The following METRNL variants were observed in gnomAD, a reference collection of about 807,000 sequenced individuals.
The protein encoded by METRNL is meteorin-like protein.
A neutral mutation model predicts 17.4 loss-of-function variants in METRNL; 9 were observed. That is an observed-to-expected ratio of 0.52 (90% CI 0.31 to 0.90). METRNL has a LOEUF of 0.90. Among genes scored for constraint, METRNL ranks in the 40% least tolerant of loss-of-function variants. The pLI, the probability that METRNL is intolerant of heterozygous loss-of-function variation, is 0.05. For synonymous variants in METRNL, 215 were observed against 199.3 expected (o/e 1.08, Z -0.66); for missense variants, 408 against 430.7 (o/e 0.95, Z 0.47).
chr17:83,094,169 A>G lies in METRNL; in HGVS notation c.617-87A>G. 3 of 1,160,778 alleles carry G rather than the reference A, an allele frequency of 2.6e-6. No individual in the cohort carries two copies. The South Asian group carries it at 4.8e-5, about 19-fold the overall frequency. The allele number at this position is 1,160,778 out of a possible 1,614,324, so 71.9% of individuals were successfully genotyped here. A position where few individuals can be genotyped will look rare whatever the true frequency, so the allele number is the denominator to read the frequency against. Reference sequence around the variant, plus strand: ...GGGTCAGCTGCCCGTTCCAGTGCCCATCGATGCGGGGGCAGGGGGAGGTGC... The same window carrying G: ...GGGTCAGCTGCCCGTTCCAGTGCCCGTCGATGCGGGGGCAGGGGGAGGTGC... On this transcript the variant is annotated intron_variant, in intron 3 of 3. Transcript: ENST00000320095.
intron 2 of METRNL, among the ~76,000 whole-genome samples, chr17:83,088,002 C>A (rs1001631481): frequency 8.5e-5 from 13 of 152,208 alleles, no homozygotes; most frequent in Non-Finnish European, 1.6e-4. Context: ...TGCGTTCATG[C>A]TGCATAATCG....
At chr17:83,084,756 G>C in intron 1 of METRNL, 182 bp from the exon 2 acceptor site, 1 of 648,576 alleles carries the variant, frequency 1.5e-6, no homozygotes, top group South Asian at 1.9e-5. Context: ...TGTGCCGAAG[G>C]GCGGAGATGG....
rs1276890851 is a variant in METRNL, at chr17:83,094,778, A to G, written c.*203A>G. The G allele has an allele frequency of 2.5e-6, 1 of 402,132 alleles. No homozygotes were observed. Among genetic ancestry groups the G allele is most frequent in the Non-Finnish European group, 4.4e-6 (1 of 229,530 alleles). The allele number at this position is 402,132 out of a possible 1,614,324, so 24.9% of individuals were successfully genotyped here. A position where few individuals can be genotyped will look rare whatever the true frequency, so the allele number is the denominator to read the frequency against. ...GCCAAGGATGCCCTGGCCGATTGGA[A>G]ATGCTGTAAAATGCAAACTAAGTTA... is the stretch of plus-strand genomic sequence containing the variant. On this transcript the variant is annotated 3_prime_UTR_variant, in exon 4 of 4. Transcript: ENST00000320095.
At chr17:83,092,424 G>A (rs1010770645) in intron 2 of METRNL, 13 of 152,300 alleles carry the variant, frequency 8.5e-5, no homozygotes, top group African/African-American at 3.1e-4. Flanking sequence ...TCGCGACCCA[G>A]GGAAGTGGGC....
In METRNL at chr17:83,094,304, A is replaced by T; in HGVS notation, c.665A>T (p.Asp222Val). 1 of 1,594,524 alleles carries T rather than the reference A, an allele frequency of 6.3e-7. No individual in the cohort carries two copies. ...GTTACCCACGAGCCTGAGCGGCAGG[A>T]CTCAGCCATCCACCTGCGCGTGAGC... ...QQVTHEPERQ[D>V]SAIHLRVSRL... The change falls in exon 4 of 4, where the codon GAC becomes GTC. Residue 222 changes from aspartate to valine, a missense_variant. Transcript: ENST00000320095.
At position 83,079,841 on chromosome 17, in the gene METRNL, G is replaced by T. The variant is rs1468069188; in HGVS notation, c.26G>T (p.Trp9Leu). The change falls in exon 1 of 4, where the codon TGG becomes TTG. Residue 9 changes from tryptophan (W) to leucine (L), a missense_variant. Trp to Leu is a moderately conservative substitution (Grantham distance 61). Transcript: ENST00000320095. ...ATGCGGGGCGCGGCGCGGGCGGCCT[G>T]GGGGCGCGCGGGGCAGCCGTGGCCG... is the stretch of plus-strand genomic sequence containing the variant. The part of the protein sequence containing the change: MRGAARAA[W>L]GRAGQPWPRP... 1.0e-6 allele frequency: 1 copy of T among 974,962 alleles called. No individual in the cohort carries two copies. Among genetic ancestry groups the T allele is most frequent in the Non-Finnish European group, 1.2e-6 (1 of 823,862 alleles). The allele number at this position is 974,962 out of a possible 1,614,324, so 60.4% of individuals were successfully genotyped here.
chr17:83,084,711 G>A, intron 1 of METRNL: 1 of 580,192 alleles, frequency 1.7e-6, no homozygotes. Flanking sequence ...ATGGCTCTTG[G>A]TGCAGGTGCA....
At chr17:83,090,164 C>CCACA (rs1272293709) in intron 2 of METRNL, among the ~76,000 whole-genome samples, 1 of 111,484 alleles carries the variant, frequency 9.0e-6, no homozygotes, top group African/African-American at 3.0e-5. Context: ...AGGGTGGGAG[C>CCACA]CACACACCCC....
intron 2 of METRNL, among the ~76,000 whole-genome samples, chr17:83,086,926 T>TCCGA (rs768577182): frequency 8.0e-4 from 122 of 151,934 alleles, no homozygotes; most frequent in Middle Eastern, 3.4e-3. Flanking sequence ...GGGGGTGGGG[T>TCCGA]CCGAGGCCTA....
At chr17:83,083,674 C>G (rs1239930846) in intron 1 of METRNL, among the ~76,000 whole-genome samples, 1 of 152,200 alleles carries the variant, frequency 6.6e-6, no homozygotes, top group African/African-American at 2.4e-5. Context: ...CTCGACACCA[C>G]CCTCTGATGT....
chr17:83,082,156 T>G, intron 1 of METRNL: 1 of 985,428 alleles, frequency 1.0e-6, no homozygotes. Flanking sequence ...CTCATAAATG[T>G]GGACCATGAA....
chr17:83,079,636 G>GGGC lies in METRNL; in HGVS notation c.-180_-179insGGC. Reference sequence around the variant, plus strand: ...AGGCTCGGCGGCGGCGGCGGGCGCGGAGCTCTGCGCGCGGCTCCAGCGGGC... The same window carrying GGGC: ...AGGCTCGGCGGCGGCGGCGGGCGCGGGGCAGCTCTGCGCGCGGCTCCAGCGGGC... On this transcript the variant is annotated 5_prime_UTR_variant, in exon 1 of 4. Coordinates refer to ENST00000320095, the MANE Select transcript of METRNL (RefSeq NM_001004431.3). 6.5e-6 allele frequency: 1 copy of GGGC among 152,886 alleles called. No individual in the cohort carries two copies. Among genetic ancestry groups the GGGC allele is most frequent in the Non-Finnish European group, 1.4e-5 (1 of 71,610 alleles). 9.5% of individuals were successfully genotyped at this position (152,886 alleles called of 1,614,324 possible).
chr17:83,084,907 G>A (rs555176447), intron 1 of METRNL, 31 bp from the exon 2 acceptor site: 25 of 1,584,962 alleles, frequency 1.6e-5, no homozygotes, highest in African/African-American at 9.4e-5. Context: ...CGGGAGCTCC[G>A]GGCCTGGCTG....
chr17:83,085,240 A>G lies in METRNL; in HGVS notation c.473A>G (p.Gln158Arg), dbSNP rs1465286368. 1.3e-6 allele frequency: 2 copies of G among 1,586,854 alleles called. No homozygotes were observed. Residue 158 changes from glutamine to arginine, a missense_variant, in exon 2 of 4, where the codon CAG (glutamine) becomes CGG (arginine). Coordinates refer to ENST00000320095, the MANE Select transcript of METRNL (RefSeq NM_001004431.3). ...GGCCTGTTCGTGGAGGCCACGCCGC[A>G]GCAGGATATCGGCCGGAGGACCACA... is the stretch of plus-strand genomic sequence containing the variant. ...QGGLFVEATP[Q>R]QDIGRRTTGF...
Position 83,079,638 on chromosome 17 carries a change from G to A in METRNL, c.-178G>A, listed in dbSNP as rs575539983. 0.014 allele frequency: 2,130 copies of A among 154,994 alleles called. 53 individuals are homozygous for A. Among genetic ancestry groups the A allele is most frequent in the African/African-American group, 0.05 (2,022 of 40,778 alleles). 9.6% of individuals were successfully genotyped at this position (154,994 alleles called of 1,614,324 possible). ...GCTCGGCGGCGGCGGCGGGCGCGGAGCTCTGCGCGCGGCTCCAGCGGGCCG... is the reference window on the plus strand; with the variant it reads ...GCTCGGCGGCGGCGGCGGGCGCGGAACTCTGCGCGCGGCTCCAGCGGGCCG... On this transcript the variant is annotated 5_prime_UTR_variant, in exon 1 of 4. Transcript: ENST00000320095.
intron 2 of METRNL, among the ~76,000 whole-genome samples, chr17:83,090,831 C>G (rs1015779089): frequency 2.0e-5 from 3 of 152,024 alleles, no homozygotes. Flanking sequence ...TTGAGATCCC[C>G]CAGTGCTCCC....
chr17:83,090,748 C>T (rs938446535), intron 2 of METRNL, among the ~76,000 whole-genome samples: 3 of 151,660 alleles, frequency 2.0e-5, no homozygotes, highest in Non-Finnish European at 4.4e-5. Context: ...GGGCTGGGAC[C>T]TCTGGCCCTG....
In METRNL at chr17:83,094,395, G is replaced by A; in HGVS notation, c.756G>A (p.Gly252=). Residue 252 remains glycine, a synonymous_variant, in exon 4 of 4, where the codon GGG becomes GGA. Transcript: ENST00000320095. ...PVPEGDGHWQ[G]RVRTLLECGV... is the part of the protein sequence containing the mutation. Reference sequence around the variant, plus strand: ...CCGAGGGTGACGGCCACTGGCAGGGGCGCGTCAGGACGCTGCTGGAGTGTG... The same window carrying A: ...CCGAGGGTGACGGCCACTGGCAGGGACGCGTCAGGACGCTGCTGGAGTGTG... 6.2e-7 allele frequency: 1 copy of A among 1,610,442 alleles called. No individual in the cohort carries two copies. Among genetic ancestry groups the A allele is most frequent in the Non-Finnish European group, 8.5e-7 (1 of 1,178,354 alleles).
chr17:83,079,884 C>CCCGCCCCCGCCG lies in METRNL; in HGVS notation c.74_85dup (p.Pro25_Pro28dup), dbSNP rs2037961534. 4.1e-6 allele frequency: 4 copies of CCCGCCCCCGCCG among 980,104 alleles called. No individual in the cohort carries two copies. The African/African-American group carries it at 5.3e-5, about 13-fold the overall frequency. The allele number at this position is 980,104 out of a possible 1,614,324, so 60.7% of individuals were successfully genotyped here. ...CGTGGCCGCGACCCCCCGCCCCGGG[C>CCCGCCCCCGCCG]CCGCCCCCGCCGCCGCTCCCGCTGC... On this transcript the variant is annotated inframe_insertion, in exon 1 of 4. Coordinates refer to ENST00000320095, the MANE Select transcript of METRNL (RefSeq NM_001004431.3).
Sources: gnomAD v4.1 joint callset for allele counts (sites outside exome capture counted in the v4.1 genomes callset) on GRCh38, gnomAD v4.1.1 for gene constraint, MANE v1.5 for transcripts, NCBI Gene and HGNC (gene_info 2026-07-23, HGNC 2026-07-21) for gene names.